Variants in PKD1L3 observed in about 807,000 individuals in gnomAD.
The protein encoded by PKD1L3 is polycystin 1 like 3, transient receptor potential channel interacting, also known as polycystin-1-like protein 3.
Under a neutral mutation model 184.1 loss-of-function variants are expected in PKD1L3, and 239 were observed. The observed-to-expected ratio is 1.30, with a 90% confidence interval of 1.17 to 1.45. The LOEUF (loss-of-function observed/expected upper bound fraction) is 1.45. Ranked by LOEUF, PKD1L3 falls within the 40% of genes most tolerant of loss-of-function variation. The probability of loss-of-function intolerance (pLI) is 0.00; values close to 1 mark genes in which losing one functional copy is unlikely to be tolerated. For missense variants in PKD1L3, 2,660 were observed against 2,067.2 expected, an observed-to-expected ratio of 1.29 and a Z score of -5.56; for synonymous variants, 996 against 778.8, an observed-to-expected ratio of 1.28 and a Z score of -4.64.
rs571792156 is a variant in PKD1L3 at position 71,971,562 on chromosome 16, G to A, written c.1954-1457C>T. ...TGCTTCAAGGAGGTGGGAAATATCC[G>A]ATGCCTTCTGCAATCAACTGGTCTG... is the stretch of plus-strand genomic sequence containing the variant. On this transcript the variant is annotated intron_variant, in intron 12 of 29. Coordinates refer to ENST00000620267, the MANE Select transcript of PKD1L3 (RefSeq NM_181536.2). Among the ~76,000 whole-genome samples, 416 of 152,258 alleles carry A rather than the reference G, an allele frequency of 2.7e-3. 3 individuals carry two copies. The highest frequency in any genetic ancestry group is 9.6e-3 in the African/African-American group (399 of 41,540).
chr16:71,973,051 A>C (rs542345380), intron 12 of PKD1L3, among the ~76,000 whole-genome samples: 1 of 152,322 alleles, frequency 6.6e-6, no homozygotes, highest in African/African-American at 2.4e-5. Context: ...TATGGCTTCC[A>C]CACGCTATTT....
At chr16:71,936,191 T>A (rs1005992552) in intron 25 of PKD1L3, among the ~76,000 whole-genome samples, 5 of 151,788 alleles carry the variant, frequency 3.3e-5, no homozygotes, top group African/African-American at 4.8e-5. Flanking sequence ...TGTAATCATC[T>A]GTATTTTTTT....
rs930271256 is a variant in PKD1L3 at position 71,979,769 on chromosome 16, A to G, written c.1398+17T>C. On this transcript the variant is annotated intron_variant, in intron 9 of 29. Transcript: ENST00000620267. Reference sequence around the variant, plus strand: ...AGATCCCATTTTCATTCTGATCACAATCAATTTCACACTCACTTGGACATT... The same window carrying G: ...AGATCCCATTTTCATTCTGATCACAGTCAATTTCACACTCACTTGGACATT... The G allele has an allele frequency of 2.7e-6, 4 of 1,481,562 alleles. No homozygotes were observed. Among genetic ancestry groups the G allele is most frequent in the African/African-American group, 1.4e-5 (1 of 70,030 alleles). The allele number at this position is 1,481,562 out of a possible 1,614,324, so 91.8% of individuals were successfully genotyped here.
At chr16:71,945,265 A>T (rs1396612565) in intron 22 of PKD1L3, among the ~76,000 whole-genome samples, 26 of 65,820 alleles carry the variant, frequency 4.0e-4, no homozygotes, top group Non-Finnish European at 6.4e-4. Context: ...GAATTTCTTA[A>T]CTATATATAT....
At chr16:71,943,145 G>C (rs1376748479) in intron 23 of PKD1L3, 121 bp from the exon 24 acceptor site, 2 of 682,034 alleles carry the variant, frequency 2.9e-6, no homozygotes, top group Non-Finnish European at 4.9e-6. Flanking sequence ...AAAACTGGCT[G>C]TTTCATATGG....
chr16:71,951,856 A>G, intron 18 of PKD1L3, 112 bp from the exon 19 acceptor site: 1 of 936,654 alleles, frequency 1.1e-6, no homozygotes. Context: ...TATGCTTAGC[A>G]CAAAGAACCT....
chr16:71,935,594 C>T (rs11865456), intron 25 of PKD1L3, 76 bp from the exon 26 acceptor site: 345,678 of 1,386,570 alleles, frequency 0.25, 44,994 homozygotes, highest in Middle Eastern at 0.3. Context: ...GTGTGATGAA[C>T]GCAGCTGATG....
rs1437195572 is a variant in PKD1L3, at chr16:71,993,308, T to G, written c.443A>C (p.His148Pro). The change falls in exon 3 of 30, where the codon CAT (histidine) becomes CCT (proline). Residue 148 changes from histidine (H) to proline (P), a missense_variant. Transcript: ENST00000620267. ...QTGDFLDGDA[H>P]YERNGNNSHL... ...GGAATTATTTCCATTTCTTTCATAA[T>G]GGGCATCTCCGTCCAAAAAGTCACC... The G allele has an allele frequency of 1.3e-6, 2 of 1,548,904 alleles. No individual in the cohort carries two copies. Among genetic ancestry groups the G allele is most frequent in the Admixed American group, 4.0e-5 (2 of 50,398 alleles).
chr16:71,962,737 C>A (rs2039331091), intron 16 of PKD1L3, among the ~76,000 whole-genome samples: 1 of 152,178 alleles, frequency 6.6e-6, no homozygotes, highest in African/African-American at 2.4e-5. Context: ...GCCTCAGCCT[C>A]CCAAAGTGCA....
Position 71,995,194 on chromosome 16 carries a change from A to G in PKD1L3, c.419-1862T>C, listed in dbSNP as rs377041990. On this transcript the variant is annotated intron_variant, in intron 2 of 29. Transcript: ENST00000620267. ...CCTCGTAAGGTGAAAAGGCAAGAGA[A>G]GCCCTCCCTCTGCCAAGTCCTTTTA... Among the ~76,000 whole-genome samples, 27 of 152,228 alleles carry G rather than the reference A, an allele frequency of 1.8e-4. 1 individual carries two copies. Among genetic ancestry groups the G allele is most frequent in the Admixed American group, 9.8e-4 (15 of 15,272 alleles).
At chr16:71,952,592 T>TGGGAGGCCAAGGGGGGAGGATGGC (rs2038883468) in intron 18 of PKD1L3, among the ~76,000 whole-genome samples, 1 of 147,482 alleles carries the variant, frequency 6.8e-6, no homozygotes, top group Non-Finnish European at 1.5e-5. Context: ...CCCAGCACTT[T>TGGGAGGCCAAGGGGGGAGGATGGC]GGGAGGCCAA....
intron 22 of PKD1L3, among the ~76,000 whole-genome samples, chr16:71,945,993 T>C (rs1262681295): frequency 6.6e-6 from 1 of 152,188 alleles, no homozygotes; most frequent in African/African-American, 2.4e-5. Flanking sequence ...AGTTCCGCTC[T>C]TGTCACCCAG....
intron 16 of PKD1L3, among the ~76,000 whole-genome samples, chr16:71,957,318 A>G (rs1052914608): frequency 1.3e-5 from 2 of 152,226 alleles, no homozygotes; most frequent in Admixed American, 6.5e-5. Flanking sequence ...TACAATACGT[A>G]TAGAAAACAA....
chr16:71,982,849 C>T (rs895327169), intron 6 of PKD1L3, among the ~76,000 whole-genome samples: 4 of 152,104 alleles, frequency 2.6e-5, no homozygotes, highest in African/African-American at 9.7e-5. Flanking sequence ...CTGTCTTGGC[C>T]TCCCAAAGTG....
rs937211622 is a variant in PKD1L3, at chr16:71,953,159, T to G, written c.2810-66A>C. The stretch of plus-strand genomic sequence containing the variant: ...TAAAATAATCGCAAAGTCATTCCTC[T>G]CCTAGGTTTAACTATTTACTGAGGA... On this transcript the variant is annotated intron_variant, in intron 17 of 29. Coordinates refer to ENST00000620267, the MANE Select transcript of PKD1L3 (RefSeq NM_181536.2). The G allele has an allele frequency of 1.5e-5, 19 of 1,300,930 alleles. No individual in the cohort carries two copies. In the African/African-American group the frequency reaches 2.4e-4, roughly 17 times the overall value. 80.6% of individuals were successfully genotyped at this position (1,300,930 alleles called of 1,614,324 possible). A position where few individuals can be genotyped will look rare whatever the true frequency, so the allele number is the denominator to read the frequency against.
intron 11 of PKD1L3, among the ~76,000 whole-genome samples, chr16:71,974,326 A>G (rs34972708): frequency 0.21 from 31,852 of 152,102 alleles, 4,077 homozygotes; most frequent in South Asian, 0.42. Context: ...TCTCAAAAAA[A>G]GGTTCCTGAA....
rs1440065219 is a variant in PKD1L3, at chr16:71,933,500, T to C, written c.4846A>G (p.Ser1616Gly). Residue 1616 changes from serine (S) to glycine (G), a missense_variant, in exon 28 of 30, where the codon AGC (serine) becomes GGC (glycine). Coordinates refer to ENST00000620267, the MANE Select transcript of PKD1L3 (RefSeq NM_181536.2). ...AAAAATGTCCGGTAGTCAGAGATGC[T>C]GCATCCAAACAGCAGGTTAAACTGA... The part of the protein sequence containing the change: ...AIAFNLLFGC[S>G]ISDYRTFFSS... 1.3e-6 allele frequency: 2 copies of C among 1,551,538 alleles called. No homozygotes were observed. The highest frequency in any genetic ancestry group is 2.7e-5 in the African/African-American group (2 of 73,018).
In PKD1L3 at chr16:71,984,259, G is replaced by A. The variant is rs1167700484; in HGVS notation, c.835-92C>T. The A allele has an allele frequency of 5.1e-6, 7 of 1,360,952 alleles. No homozygotes were observed. The African/African-American group carries it at 7.3e-5, about 14-fold the overall frequency. The allele number at this position is 1,360,952 out of a possible 1,614,324, so 84.3% of individuals were successfully genotyped here. On this transcript the variant is annotated intron_variant, in intron 5 of 29. Coordinates refer to ENST00000620267, the MANE Select transcript of PKD1L3 (RefSeq NM_181536.2). ...ATTATTTTCATCCAAGTTGACCTTG[G>A]GTAACTTTATAAACCCTATGAACCA...
chr16:71,987,459 C>T (rs2040416979), intron 4 of PKD1L3, among the ~76,000 whole-genome samples: 1 of 152,018 alleles, frequency 6.6e-6, no homozygotes, highest in Admixed American at 6.6e-5. Flanking sequence ...CTGCAGCCTC[C>T]TCTTCCCGGT....
Sources: allele counts gnomAD v4.1 joint callset (sites outside exome capture counted in the v4.1 genomes callset), GRCh38; gene constraint gnomAD v4.1.1; transcripts MANE v1.5; gene names NCBI Gene and HGNC (gene_info 2026-07-23, HGNC 2026-07-21).